ABCA1: variants seen among roughly 807,000 people sequenced by gnomAD.
ABCA1 encodes phospholipid-transporting ATPase ABCA1.
ABCA1 carries 133 observed loss-of-function variants against 262.5 expected under a neutral mutation model. That is an observed-to-expected ratio of 0.51 (90% CI 0.44 to 0.59). ABCA1 has a LOEUF of 0.59. Among genes scored for constraint, ABCA1 ranks in the 20% least tolerant of loss-of-function variants. The pLI is 0.00. For missense variants in ABCA1, 2,452 were observed against 2,777.5 expected, an observed-to-expected ratio of 0.88 and a Z score of 2.63; for synonymous variants, 1,022 against 1,043.5, an observed-to-expected ratio of 0.98 and a Z score of 0.40.
At chr9:104,851,385 T>C (rs940583844) in intron 7 of ABCA1, among the ~76,000 whole-genome samples, 1 of 152,146 alleles carries the variant, frequency 6.6e-6, no homozygotes, top group African/African-American at 2.4e-5. Flanking sequence ...TCTGCAGGCA[T>C]CACGTCTCAT....
chr9:104,787,882 G>A (rs1243212662), intron 46 of ABCA1, 38 bp downstream of exon 46: 1 of 1,613,828 alleles, frequency 6.2e-7, no homozygotes, highest in African/African-American at 1.3e-5. Flanking sequence ...TTTCCACTCA[G>A]GCCAGAACAA....
At chr9:104,837,991 C>A (rs1833972569) in intron 9 of ABCA1, among the ~76,000 whole-genome samples, 1 of 152,118 alleles carries the variant, frequency 6.6e-6, no homozygotes, top group Non-Finnish European at 1.5e-5. Flanking sequence ...TCTTGAGGGG[C>A]AACCAGAAGG....
intron 5 of ABCA1, among the ~76,000 whole-genome samples, chr9:104,862,598 A>G: frequency 6.8e-6 from 1 of 147,198 alleles, no homozygotes; most frequent in Non-Finnish European, 1.5e-5. Context: ...AGTATGCATC[A>G]GAATCACCTG....
At chr9:104,927,208 G>C (rs959818944) in intron 1 of ABCA1, among the ~76,000 whole-genome samples, 1 of 124,208 alleles carries the variant, frequency 8.1e-6, no homozygotes, top group East Asian at 2.3e-4. Flanking sequence ...AGACTTAAAG[G>C]AAAGAAAAAA....
Position 104,816,194 on chromosome 9 carries a change from G to A in ABCA1, c.3687C>T (p.Leu1229=), listed in dbSNP as rs376974120. 8.1e-6 allele frequency: 13 copies of A among 1,614,078 alleles called. No homozygotes were observed. In the African/African-American group the frequency reaches 1.7e-4, roughly 22 times the overall value. Residue 1229 remains leucine (L), a synonymous_variant, in exon 25 of 50, where the codon CTC becomes CTT. Coordinates refer to ENST00000374736, the MANE Select transcript of ABCA1 (RefSeq NM_005502.4). ...CATAACTAGAAATGCCCAGGTCTGA[G>A]AGCCGGTCATCAATCTCATGAAAGA... ...VELFHEIDDR[L]SDLGISSYGI...
chr9:104,867,363 G>A (rs987525721), intron 5 of ABCA1, among the ~76,000 whole-genome samples: 2 of 152,218 alleles, frequency 1.3e-5, no homozygotes, highest in Non-Finnish European at 2.9e-5. Flanking sequence ...CACTGAGTAA[G>A]GTGCCCGGTA....
chr9:104,799,245 A>C (rs543490377), intron 36 of ABCA1, among the ~76,000 whole-genome samples: 2 of 151,986 alleles, frequency 1.3e-5, no homozygotes, highest in African/African-American at 4.8e-5. Context: ...TGAAATATCA[A>C]CTCTGTGCTG....
chr9:104,799,393 T>TTCAC (rs1196893367), intron 36 of ABCA1: 2 of 347,826 alleles, frequency 5.8e-6, no homozygotes, highest in Non-Finnish European at 6.6e-6. Flanking sequence ...GGCTTTAAAC[T>TTCAC]TCACACACAC....
chr9:104,895,068 C>T (rs1389589977), intron 2 of ABCA1, among the ~76,000 whole-genome samples: 7 of 152,140 alleles, frequency 4.6e-5, no homozygotes, highest in Non-Finnish European at 5.9e-5. Flanking sequence ...TAAACATAAA[C>T]CCTCATAAAT....
intron 46 of ABCA1, among the ~76,000 whole-genome samples, chr9:104,787,286 TA>T (rs1829013067): frequency 6.6e-6 from 1 of 152,194 alleles, no homozygotes; most frequent in Non-Finnish European, 1.5e-5. Flanking sequence ...CTGATAAGTA[TA>T]TACAAAACAA....
At chr9:104,907,163 G>T (rs995354218) in intron 1 of ABCA1, among the ~76,000 whole-genome samples, 4 of 152,184 alleles carry the variant, frequency 2.6e-5, no homozygotes, top group African/African-American at 9.7e-5. Flanking sequence ...GTGTATACAG[G>T]CTCAGAATAT....
intron 2 of ABCA1, among the ~76,000 whole-genome samples, chr9:104,891,741 G>C (rs562703321): frequency 6.6e-6 from 1 of 151,226 alleles, no homozygotes; most frequent in Non-Finnish European, 1.5e-5. Flanking sequence ...CAAGGCAGGC[G>C]GATCACCTGA....
At chr9:104,878,103 A>G (rs961349701) in intron 5 of ABCA1, among the ~76,000 whole-genome samples, 1 of 152,212 alleles carries the variant, frequency 6.6e-6, no homozygotes, top group Non-Finnish European at 1.5e-5. Flanking sequence ...TGTATCTCAC[A>G]GAGACAAAAT....
chr9:104,826,889 G>T, intron 16 of ABCA1, 59 bp downstream of exon 16: 1 of 1,484,084 alleles, frequency 6.7e-7, no homozygotes, highest in South Asian at 1.1e-5. Context: ...CTTTTATTCA[G>T]GGACTCCAAA....
At chr9:104,920,077 C>G (rs2118532537) in intron 1 of ABCA1, among the ~76,000 whole-genome samples, 1 of 152,282 alleles carries the variant, frequency 6.6e-6, no homozygotes, top group East Asian at 1.9e-4. Context: ...TTGAAGGGCT[C>G]TTTAAAAGTC....
At chr9:104,827,973 A>T (rs1021157976) in intron 15 of ABCA1, among the ~76,000 whole-genome samples, 2 of 152,210 alleles carry the variant, frequency 1.3e-5, no homozygotes, top group Admixed American at 1.3e-4. Flanking sequence ...ACTAGTATTA[A>T]ATTAGTTAGT....
At chr9:104,851,641 G>A (rs1835389566) in intron 7 of ABCA1, among the ~76,000 whole-genome samples, 1 of 152,120 alleles carries the variant, frequency 6.6e-6, no homozygotes, top group African/African-American at 2.4e-5. Context: ...GCCCCATCAG[G>A]GACTGTATCA....
In ABCA1 at chr9:104,816,483, T is replaced by A. The variant is rs562688056; in HGVS notation, c.3536-138A>T. The A allele has an allele frequency of 1.1e-5, 9 of 806,026 alleles. No homozygotes were observed. The East Asian group carries it at 2.4e-4, about 21-fold the overall frequency. The allele number at this position is 806,026 out of a possible 1,614,324, so 49.9% of individuals were successfully genotyped here. On this transcript the variant is annotated intron_variant, in intron 24 of 49. Transcript: ENST00000374736. ...TTCCAGGTGTTTAGGTCATTCCACA[T>A]GTTCATCTCTGGTCTGAGGGTTGGG...
intron 30 of ABCA1, among the ~76,000 whole-genome samples, chr9:104,808,842 GAGCACGGCCTCATA>G (rs565065214): frequency 2.0e-5 from 3 of 152,248 alleles, no homozygotes; most frequent in African/African-American, 7.2e-5. Flanking sequence ...TACCAGCCTT[GAGCACGGCCTCATA>G]AGATCCTCAC....
Sources: allele counts gnomAD v4.1 joint callset (sites outside exome capture counted in the v4.1 genomes callset), GRCh38; gene constraint gnomAD v4.1.1; transcripts MANE v1.5; gene names NCBI Gene and HGNC (gene_info 2026-07-23, HGNC 2026-07-21).